Variants in ATXN7L1 observed in about 807,000 individuals in gnomAD.
The protein encoded by ATXN7L1 is ataxin 7 like 1, also known as ataxin-7-like protein 1.
In ATXN7L1, 15 loss-of-function variants were observed where a neutral mutation model predicts 70.8. The observed-to-expected ratio is 0.21, with a 90% confidence interval of 0.14 to 0.33. The LOEUF (loss-of-function observed/expected upper bound fraction) is 0.33. Among genes scored for constraint, ATXN7L1 ranks in the 10% least tolerant of loss-of-function variants. ATXN7L1 has a pLI of 1.00. For synonymous variants in ATXN7L1, 440 were observed against 445.1 expected, an observed-to-expected ratio of 0.99 and a Z score of 0.14; for missense variants, 975 against 1,097.1, an observed-to-expected ratio of 0.89 and a Z score of 1.57.
At chr7:105,656,386 G>C (rs1800640083) in intron 4 of ATXN7L1, among the ~76,000 whole-genome samples, 1 of 152,196 alleles carries the variant, frequency 6.6e-6, no homozygotes, top group Non-Finnish European at 1.5e-5. Flanking sequence ...ATGGTGGCCA[G>C]GTACCCCCTG....
At chr7:105,645,791 A>C (rs888683801) in intron 4 of ATXN7L1, among the ~76,000 whole-genome samples, 11 of 149,680 alleles carry the variant, frequency 7.3e-5, no homozygotes, top group African/African-American at 1.5e-4. Flanking sequence ...CCAGCCTGGG[A>C]GACAGAGTGA....
chr7:105,849,108 T>C (rs1814498822), intron 2 of ATXN7L1, among the ~76,000 whole-genome samples: 1 of 152,200 alleles, frequency 6.6e-6, no homozygotes, highest in Non-Finnish European at 1.5e-5. Context: ...TGACCATTAT[T>C]GCACCATTAT....
In ATXN7L1 at chr7:105,733,994, T is replaced by C. The variant is rs182009839; in HGVS notation, c.355+54610A>G. ...CATCCATCCATGCTTTCAATCCTTT[T>C]GAGCCCCAGCCAAATTCCAGCCACT... On this transcript the variant is annotated intron_variant, in intron 3 of 11. Transcript: ENST00000419735. Among the ~76,000 whole-genome samples the C allele has an allele frequency of 4.5e-3, 665 of 147,572 alleles. 5 individuals carry two copies. Among genetic ancestry groups the C allele is most frequent in the Non-Finnish European group, 6.4e-3 (425 of 66,694 alleles).
intron 3 of ATXN7L1, among the ~76,000 whole-genome samples, chr7:105,786,154 T>C (rs183909287): frequency 7.0e-4 from 106 of 152,342 alleles, no homozygotes; most frequent in Middle Eastern, 6.8e-3. Flanking sequence ...GTTGTGATCA[T>C]GTCCCCATTG....
rs187061248 is a variant in ATXN7L1 at position 105,761,310 on chromosome 7, C to T, written c.355+27294G>A. On this transcript the variant is annotated intron_variant, in intron 3 of 11. Transcript: ENST00000419735. ...GCTGGAGTCTCCTCTTCCAGGAAGC[C>T]GTCTCCAGACAATGCCAGTCCTCTG... The T allele has an allele frequency of 1.9e-5, 30 of 1,605,702 alleles. No homozygotes were observed. In the Admixed American group the frequency reaches 2.0e-4, roughly 11 times the overall value.
chr7:105,749,361 A>G lies in ATXN7L1; in HGVS notation c.355+39243T>C, dbSNP rs898996997. Among the ~76,000 whole-genome samples, 3 of 151,950 alleles carry G rather than the reference A, an allele frequency of 2.0e-5. 1 individual carries two copies. The highest frequency in any genetic ancestry group is 1.5e-5 in the Non-Finnish European group (1 of 67,958). On this transcript the variant is annotated intron_variant, in intron 3 of 11. Transcript: ENST00000419735. ...GTGGGCTTTTCAAAAGAAGTTTGAC[A>G]ATATCTTTAGTCCTTAACCAATGAT... is the stretch of plus-strand genomic sequence containing the variant.
intron 4 of ATXN7L1, among the ~76,000 whole-genome samples, chr7:105,658,731 A>G (rs1051854678): frequency 6.6e-6 from 1 of 151,872 alleles, no homozygotes; most frequent in Non-Finnish European, 1.5e-5. Context: ...ACGGGGTTCC[A>G]CCATGTTGGC....
intron 2 of ATXN7L1, among the ~76,000 whole-genome samples, chr7:105,811,376 C>A (rs1808407570): frequency 6.6e-6 from 1 of 152,122 alleles, no homozygotes; most frequent in Non-Finnish European, 1.5e-5. Flanking sequence ...AGAGCGCAGC[C>A]CTGCCAGCAC....
At chr7:105,773,444 C>G (rs2116445159) in intron 3 of ATXN7L1, among the ~76,000 whole-genome samples, 1 of 152,270 alleles carries the variant, frequency 6.6e-6, no homozygotes, top group Middle Eastern at 3.4e-3. Context: ...TTGAATTGCC[C>G]CTGGGACCTG....
chr7:105,733,849 TCC>T (rs1797038981), intron 3 of ATXN7L1, among the ~76,000 whole-genome samples: 1 of 117,240 alleles, frequency 8.5e-6, no homozygotes, highest in African/African-American at 3.3e-5. Flanking sequence ...CACCCATCCA[TCC>T]ATCCATCCAT....
At position 105,614,354 on chromosome 7, in the gene ATXN7L1, A is replaced by AGAGGAG. The variant is rs150182467; in HGVS notation, c.1974_1979dup (p.Ser660_Ser661dup). 3.9e-5 allele frequency: 60 copies of AGAGGAG among 1,550,220 alleles called. No homozygotes were observed. The highest frequency in any genetic ancestry group is 1.2e-4 in the East Asian group (5 of 40,858). ...GAGACGAGAGGGATGTCTGCAAGGA[A>AGAGGAG]GAGGAGGAGGAGGAGGAGGAGGAGG... is the stretch of plus-strand genomic sequence containing the variant. On this transcript the variant is annotated inframe_insertion, in exon 10 of 12. Coordinates refer to ENST00000419735, the MANE Select transcript of ATXN7L1 (RefSeq NM_020725.2). This position sits in a 1 kb window ranked among gnomAD's most constrained non-coding sequence, Gnocchi z 4.3.
At chr7:105,820,642 A>C (rs963126126) in intron 2 of ATXN7L1, among the ~76,000 whole-genome samples, 1 of 152,062 alleles carries the variant, frequency 6.6e-6, no homozygotes, top group African/African-American at 2.4e-5. Flanking sequence ...TCCTTGGAAG[A>C]CTCAGTTATA....
chr7:105,765,355 A>T (rs1394256716), intron 3 of ATXN7L1, among the ~76,000 whole-genome samples: 2 of 151,548 alleles, frequency 1.3e-5, no homozygotes, highest in Non-Finnish European at 2.9e-5. Flanking sequence ...ATAACAGCTC[A>T]TTTGTATTGT....
At chr7:105,733,056 C>T (rs2116334608) in intron 3 of ATXN7L1, among the ~76,000 whole-genome samples, 1 of 152,310 alleles carries the variant, frequency 6.6e-6, no homozygotes, top group East Asian at 1.9e-4. Flanking sequence ...TCAGTACTAA[C>T]ATATTGTCTA....
Position 105,734,041 on chromosome 7 carries a change from G to A in ATXN7L1, c.355+54563C>T, listed in dbSNP as rs189808523. Among the ~76,000 whole-genome samples, 33 of 152,032 alleles carry A rather than the reference G, an allele frequency of 2.2e-4. No individual in the cohort carries two copies. In the East Asian group the frequency reaches 6.0e-3, roughly 28 times the overall value. On this transcript the variant is annotated intron_variant, in intron 3 of 11. Coordinates refer to ENST00000419735, the MANE Select transcript of ATXN7L1 (RefSeq NM_020725.2). ...CACTGCATATTTAAGATAGTATTTG[G>A]CACATCATCTTATCTTTCTCTCTGG...
chr7:105,851,384 G>T (rs1814858778), intron 2 of ATXN7L1, among the ~76,000 whole-genome samples: 1 of 152,148 alleles, frequency 6.6e-6, no homozygotes, highest in Non-Finnish European at 1.5e-5. Flanking sequence ...GCAGAGATGG[G>T]ACTGAAAGGT....
At chr7:105,755,157 A>C (rs924936308) in intron 3 of ATXN7L1, among the ~76,000 whole-genome samples, 1 of 151,970 alleles carries the variant, frequency 6.6e-6, no homozygotes, top group Non-Finnish European at 1.5e-5. Context: ...CTCTTTTGGA[A>C]CTCTCACCTA....
chr7:105,688,418 C>CT (rs565278741), intron 3 of ATXN7L1, among the ~76,000 whole-genome samples: 151 of 152,304 alleles, frequency 9.9e-4, no homozygotes, highest in Non-Finnish European at 1.8e-3. Context: ...TGGCACATGC[C>CT]TGTAGCCCCA....
intron 2 of ATXN7L1, among the ~76,000 whole-genome samples, chr7:105,806,454 A>G (rs1585048644): frequency 6.6e-6 from 1 of 152,126 alleles, no homozygotes; most frequent in Non-Finnish European, 1.5e-5. Context: ...ACTTTCTTAT[A>G]GCAGCCCGAG....
Sources: gnomAD v4.1 joint callset for allele counts (sites outside exome capture counted in the v4.1 genomes callset) on GRCh38, gnomAD v4.1.1 for gene constraint, Gnocchi (gnomAD v3.1) non-coding constraint, MANE v1.5 for transcripts, NCBI Gene and HGNC (gene_info 2026-07-23, HGNC 2026-07-21) for gene names.